ITPRID2: variants seen among roughly 807,000 people sequenced by gnomAD.
The protein encoded by ITPRID2 is ITPR interacting domain containing 2.
ITPRID2 carries 60 observed loss-of-function variants against 124.3 expected under a neutral mutation model. The observed-to-expected ratio is 0.48, with a 90% CI of 0.39 to 0.60. The LOEUF (loss-of-function observed/expected upper bound fraction) is 0.60, where lower values mean the gene tolerates loss of function less well. ITPRID2 is among the 20% of genes least tolerant of loss of function. ITPRID2 has a pLI of 0.00. For synonymous variants in ITPRID2, 521 were observed against 542.9 expected, an observed-to-expected ratio of 0.96 and a Z score of 0.56; for missense variants, 1,553 against 1,512.2, an observed-to-expected ratio of 1.03 and a Z score of -0.45.
intron 16 of ITPRID2, among the ~76,000 whole-genome samples, chr2:181,925,317 G>A (rs1694766037): frequency 6.6e-6 from 1 of 152,054 alleles, no homozygotes; most frequent in Admixed American, 6.6e-5. Context: ...CTCAATCTCA[G>A]GTAGTCTGTA....
At chr2:181,920,379 T>A (rs1422929111) in intron 14 of ITPRID2, among the ~76,000 whole-genome samples, 1 of 152,204 alleles carries the variant, frequency 6.6e-6, no homozygotes, top group Non-Finnish European at 1.5e-5. Flanking sequence ...TTGCATATTG[T>A]ATCAGTTTTA....
rs1469060180 is a variant in ITPRID2, at chr2:181,891,773, G to T, written c.-294G>T. 1.0e-5 allele frequency: 2 copies of T among 192,244 alleles called. No homozygotes were observed. Among genetic ancestry groups the T allele is most frequent in the African/African-American group, 2.4e-5 (1 of 42,430 alleles). The allele number at this position is 192,244 out of a possible 1,614,324, so 11.9% of individuals were successfully genotyped here. On this transcript the variant is annotated 5_prime_UTR_variant, in exon 1 of 18. Transcript: ENST00000431877. ...CTGCTCCGGGCGCGTCAGGCAGGGG[G>T]TGGGGAGCAGGGGCCGGGCGGGCGC...
chr2:181,913,302 C>T (rs377310431), intron 9 of ITPRID2, among the ~76,000 whole-genome samples: 3 of 152,100 alleles, frequency 2.0e-5, no homozygotes, highest in South Asian at 4.1e-4. Flanking sequence ...CTCCTAACCT[C>T]GTGATCCGCC....
In ITPRID2 at chr2:181,916,283, C is replaced by T. The variant is rs764295454; in HGVS notation, c.2643C>T (p.Phe881=). 9.3e-6 allele frequency: 15 copies of T among 1,614,096 alleles called. No individual in the cohort carries two copies. Among genetic ancestry groups the T allele is most frequent in the Admixed American group, 1.7e-5 (1 of 60,006 alleles). ...TATCAGGGGCTACTTGTAGTGCCTT[C>T]GCTTCCCCTTTCGGGTGTCCTTACT... ...PNISGATCSA[F]ASPFGCPYSH... Residue 881 remains phenylalanine, a synonymous_variant, in exon 11 of 18, where the codon TTC becomes TTT. Transcript: ENST00000431877.
intron 2 of ITPRID2, among the ~76,000 whole-genome samples, chr2:181,895,461 C>T (rs1692117416): frequency 6.6e-6 from 1 of 151,986 alleles, no homozygotes; most frequent in East Asian, 1.9e-4. Flanking sequence ...AAAAACAAAG[C>T]GAATCTCAAG....
intron 8 of ITPRID2, among the ~76,000 whole-genome samples, chr2:181,904,989 A>G (rs906045193): frequency 5.3e-5 from 8 of 152,178 alleles, no homozygotes; most frequent in South Asian, 4.1e-4. Flanking sequence ...TTAAAAGTCA[A>G]CTTGCCTTAT....
intron 15 of ITPRID2, 109 bp from the exon 16 acceptor site, chr2:181,921,839 C>A: frequency 1.1e-6 from 1 of 947,934 alleles, no homozygotes; most frequent in Non-Finnish European, 1.6e-6. Context: ...AGATTTATGT[C>A]TTTACAAATT....
intron 11 of ITPRID2, 101 bp downstream of exon 11, chr2:181,916,528 A>G (rs1358966575): frequency 7.2e-7 from 1 of 1,382,418 alleles, no homozygotes; most frequent in East Asian, 2.3e-5. Flanking sequence ...GAACTACCTC[A>G]GCTTTATTTT....
chr2:181,911,417 T>A (rs1213858809), intron 9 of ITPRID2, among the ~76,000 whole-genome samples: 1 of 152,224 alleles, frequency 6.6e-6, no homozygotes, highest in East Asian at 1.9e-4. Context: ...TGACTTAATG[T>A]TTGTTACAAG....
intron 4 of ITPRID2, among the ~76,000 whole-genome samples, chr2:181,897,308 G>A (rs1692280567): frequency 6.6e-6 from 1 of 151,902 alleles, no homozygotes; most frequent in Non-Finnish European, 1.5e-5. Flanking sequence ...CAAAATTGAA[G>A]CTTATTTTTA....
rs754692243 is a variant in ITPRID2 at position 181,905,707 on chromosome 2, A to G, written c.1413+3241A>G. Among the ~76,000 whole-genome samples the G allele has an allele frequency of 8.5e-5, 13 of 152,206 alleles. No homozygotes were observed. The highest frequency in any genetic ancestry group is 1.3e-4 in the Non-Finnish European group (9 of 68,040). The stretch of plus-strand genomic sequence containing the variant: ...TTTTTAAGCTACTGATGTGTTAGTA[A>G]CTGTTTCTAATCCTGTCTTCATACT... On this transcript the variant is annotated intron_variant, in intron 8 of 17. Coordinates refer to ENST00000431877, the MANE Select transcript of ITPRID2 (RefSeq NM_001130445.3). This position sits in a 1 kb window ranked among gnomAD's most constrained non-coding sequence, Gnocchi z 4.1.
At chr2:181,898,127 G>A (rs1692360195) in intron 4 of ITPRID2, among the ~76,000 whole-genome samples, 1 of 151,972 alleles carries the variant, frequency 6.6e-6, no homozygotes, top group South Asian at 2.1e-4. Flanking sequence ...CATTCATTAA[G>A]TAAATAATTA....
chr2:181,928,921 C>T lies in ITPRID2; in HGVS notation c.*14-640C>T, dbSNP rs1025016911. 5.3e-5 allele frequency among the ~76,000 whole-genome samples: 8 copies of T among 151,824 alleles called. No homozygotes were observed. The South Asian group carries it at 6.3e-4, about 12-fold the overall frequency. On this transcript the variant is annotated intron_variant, in intron 17 of 17. Coordinates refer to ENST00000431877, the MANE Select transcript of ITPRID2 (RefSeq NM_001130445.3). ...GATTACAGGCGTGAGCCACCGCGCCCGGCCGAATTAATCACAACTTCTAAG... is the reference window on the plus strand; with the variant it reads ...GATTACAGGCGTGAGCCACCGCGCCTGGCCGAATTAATCACAACTTCTAAG...
intron 16 of ITPRID2, among the ~76,000 whole-genome samples, chr2:181,924,660 T>C (rs1356015961): frequency 6.6e-6 from 1 of 152,240 alleles, no homozygotes; most frequent in Non-Finnish European, 1.5e-5. Flanking sequence ...TCTTTCGTTG[T>C]ACCATTAAGT....
Position 181,916,276 on chromosome 2 carries a change from G to C in ITPRID2, c.2636G>C (p.Ser879Thr). Residue 879 changes from serine to threonine, a missense_variant, in exon 11 of 18, where the codon AGT becomes ACT. By Grantham distance (58) the Ser-to-Thr change is moderately conservative. Transcript: ENST00000431877. ...SVPNISGATC[S>T]AFASPFGCPY... The stretch of plus-strand genomic sequence containing the variant: ...CCCAACATATCAGGGGCTACTTGTA[G>C]TGCCTTCGCTTCCCCTTTCGGGTGT... The C allele has an allele frequency of 6.2e-7, 1 of 1,614,234 alleles. No homozygotes were observed. Among genetic ancestry groups the C allele is most frequent in the Non-Finnish European group, 8.5e-7 (1 of 1,180,050 alleles).
At chr2:181,927,811 G>A (rs1694971131) in intron 16 of ITPRID2, among the ~76,000 whole-genome samples, 1 of 152,180 alleles carries the variant, frequency 6.6e-6, no homozygotes. Flanking sequence ...TACAAAGTTA[G>A]ACAATACTAA....
Position 181,892,114 on chromosome 2 carries a change from G to A in ITPRID2, c.48G>A (p.Glu16=). The A allele has an allele frequency of 1.9e-6, 3 of 1,558,728 alleles. No homozygotes were observed. The highest frequency in any genetic ancestry group is 1.7e-6 in the Non-Finnish European group (2 of 1,152,102). ...CGGCGGAGGCGGAGGAGGAACTGGA[G>A]TGGCAAGTGGCGAGTCGCAGGAGGA... ...SSSAEAEEEL[E]WQVASRRRKA... is the part of the protein sequence containing the mutation. Residue 16 remains glutamate (E), a synonymous_variant, in exon 1 of 18, where the codon GAG becomes GAA. Transcript: ENST00000431877. The surrounding 1 kb of genome is among the most constrained non-coding windows in gnomAD (Gnocchi z 5.2).
Position 181,916,513 on chromosome 2 carries a change from A to C in ITPRID2, c.2787+86A>C, listed in dbSNP as rs778646675. 6 of 1,442,926 alleles carry C rather than the reference A, an allele frequency of 4.2e-6. No individual in the cohort carries two copies. The African/African-American group carries it at 8.5e-5, about 20-fold the overall frequency. 89.4% of individuals were successfully genotyped at this position (1,442,926 alleles called of 1,614,324 possible). A position where few individuals can be genotyped will look rare whatever the true frequency, so the allele number is the denominator to read the frequency against. ...TTCACAGAGAAGCTAAGGCACATCA[A>C]GTATGAACTACCTCAGCTTTATTTT... On this transcript the variant is annotated intron_variant, in intron 11 of 17. Transcript: ENST00000431877.
In ITPRID2 at chr2:181,905,762, T is replaced by A. The variant is rs16867509; in HGVS notation, c.1413+3296T>A. On this transcript the variant is annotated intron_variant, in intron 8 of 17. Coordinates refer to ENST00000431877, the MANE Select transcript of ITPRID2 (RefSeq NM_001130445.3). This position sits in a 1 kb window ranked among gnomAD's most constrained non-coding sequence, Gnocchi z 4.1. ...ATTGATTTAACTAATGTACTTGACT[T>A]CTCATTTTTAGCTGTTAAGTTTTAG... Among the ~76,000 whole-genome samples the A allele has an allele frequency of 0.1, 15,859 of 152,230 alleles. 1,729 individuals carry two copies. Among genetic ancestry groups the A allele is most frequent in the African/African-American group, 0.27 (11,396 of 41,500 alleles).
Sources: gnomAD v4.1 joint callset for allele counts (sites outside exome capture counted in the v4.1 genomes callset) on GRCh38, gnomAD v4.1.1 for gene constraint, Gnocchi (gnomAD v3.1) non-coding constraint, MANE v1.5 for transcripts, NCBI Gene and HGNC (gene_info 2026-07-23, HGNC 2026-07-21) for gene names.